Variants in AKT3 observed in about 807,000 individuals in gnomAD.
AKT3 encodes RAC-gamma serine/threonine-protein kinase.
AKT3 carries 15 observed loss-of-function variants against 65.3 expected under a neutral mutation model. That is an observed-to-expected ratio of 0.23 (90% CI 0.15 to 0.35). The LOEUF (loss-of-function observed/expected upper bound fraction) is 0.35. Among genes scored for constraint, AKT3 ranks in the 10% least tolerant of loss-of-function variants. The probability of loss-of-function intolerance (pLI) is 1.00; values close to 1 mark genes in which losing one functional copy is unlikely to be tolerated. For synonymous variants in AKT3, 206 were observed against 183.8 expected, an observed-to-expected ratio of 1.12 and a Z score of -0.98; for missense variants, 243 against 576.5, an observed-to-expected ratio of 0.42 and a Z score of 5.92.
At position 243,811,155 on chromosome 1, in the gene AKT3, T is replaced by C. The variant is rs184711008; in HGVS notation, c.46+31970A>G. 4.5e-4 allele frequency among the ~76,000 whole-genome samples: 68 copies of C among 152,308 alleles called. 1 individual carries two copies. Among genetic ancestry groups the C allele is most frequent in the Middle Eastern group, 3.4e-3 (1 of 294 alleles). ...CTCTCACCACTCCTATTCAACATAG[T>C]GTTGGAAGTTCTAGCCGGGGCAATC... On this transcript the variant is annotated intron_variant, in intron 2 of 13. Coordinates refer to ENST00000673466, the MANE Select transcript of AKT3 (RefSeq NM_005465.7).
intron 2 of AKT3, among the ~76,000 whole-genome samples, chr1:243,802,425 T>C (rs555634671): frequency 4.6e-5 from 7 of 152,318 alleles, no homozygotes; most frequent in African/African-American, 1.7e-4. Flanking sequence ...ATATTGGAGC[T>C]AGAAGAGACT....
intron 2 of AKT3, among the ~76,000 whole-genome samples, chr1:243,836,699 T>A (rs537153781): frequency 7.9e-4 from 120 of 151,860 alleles, no homozygotes; most frequent in Non-Finnish European, 1.3e-3. Context: ...TCACCTGAGG[T>A]CAGGAATTCA....
intron 9 of AKT3, among the ~76,000 whole-genome samples, chr1:243,570,647 A>G (rs1451334128): frequency 5.9e-5 from 9 of 152,232 alleles, no homozygotes; most frequent in Non-Finnish European, 1.2e-4. Flanking sequence ...AGACCAGCTC[A>G]AAATTTCTGT....
chr1:243,489,071 C>T (rs1460577420), intron 13 of AKT3: 2 of 1,613,404 alleles, frequency 1.2e-6, no homozygotes, highest in South Asian at 2.2e-5. Context: ...TGCAGCTCCT[C>T]AGCAAGCAGA....
chr1:243,596,539 T>TC (rs1307709079), intron 8 of AKT3, among the ~76,000 whole-genome samples: 1 of 152,102 alleles, frequency 6.6e-6, no homozygotes, highest in East Asian at 1.9e-4. Flanking sequence ...AGTAACATAC[T>TC]CCCACACACT....
At chr1:243,581,188 A>C (rs968354075) in intron 8 of AKT3, among the ~76,000 whole-genome samples, 2 of 152,200 alleles carry the variant, frequency 1.3e-5, no homozygotes, top group African/African-American at 4.8e-5. Flanking sequence ...TGTGTCTGTC[A>C]TCAGGGGACC....
chr1:243,501,635 A>G lies in AKT3; in HGVS notation c.*3614T>C, dbSNP rs1669311963. 3 of 231,654 alleles carry G rather than the reference A, an allele frequency of 1.3e-5. No individual in the cohort carries two copies. Among genetic ancestry groups the G allele is most frequent in the Non-Finnish European group, 1.7e-5 (2 of 117,320 alleles). The allele number at this position is 231,654 out of a possible 1,614,324, so 14.3% of individuals were successfully genotyped here. A position where few individuals can be genotyped will look rare whatever the true frequency, so the allele number is the denominator to read the frequency against. On this transcript the variant is annotated 3_prime_UTR_variant, in exon 14 of 14. Coordinates refer to ENST00000673466, the MANE Select transcript of AKT3 (RefSeq NM_005465.7). ...GTGAGCTACAAGGAATTATTTCTAT[A>G]TTTTCCTGTCACATTTTATACAAGG...
chr1:243,643,102 G>A (rs780667140), intron 5 of AKT3, among the ~76,000 whole-genome samples: 5 of 152,064 alleles, frequency 3.3e-5, no homozygotes, highest in South Asian at 2.1e-4. Context: ...TGGTTACGTC[G>A]CTTCTCCCTT....
chr1:243,604,580 C>T (rs541697190), intron 8 of AKT3, among the ~76,000 whole-genome samples: 3 of 152,282 alleles, frequency 2.0e-5, no homozygotes, highest in East Asian at 3.9e-4. Flanking sequence ...TATAGTTATT[C>T]TTACGTCTTA....
intron 2 of AKT3, among the ~76,000 whole-genome samples, chr1:243,713,093 T>C (rs1296957146): frequency 6.6e-6 from 1 of 152,212 alleles, no homozygotes; most frequent in Admixed American, 6.5e-5. Flanking sequence ...TGGTAGGCTA[T>C]GAAACAAATC....
At chr1:243,518,882 A>C (rs1670532800) in intron 12 of AKT3, among the ~76,000 whole-genome samples, 1 of 152,220 alleles carries the variant, frequency 6.6e-6, no homozygotes, top group Non-Finnish European at 1.5e-5. Flanking sequence ...GAAGGATAAG[A>C]CATCAGTTTG....
At chr1:243,656,113 T>TG (rs930966768) in intron 4 of AKT3, among the ~76,000 whole-genome samples, 4 of 40,716 alleles carry the variant, frequency 9.8e-5, no homozygotes, top group East Asian at 2.0e-3. Flanking sequence ...CGGGGGGGTG[T>TG]GGGGGGGTAA....
intron 6 of AKT3, among the ~76,000 whole-genome samples, chr1:243,621,575 T>C (rs1010217686): frequency 2.0e-5 from 3 of 152,212 alleles, no homozygotes; most frequent in Non-Finnish European, 2.9e-5. Context: ...CTTCCAAATT[T>C]ATACCTCAAA....
intron 2 of AKT3, among the ~76,000 whole-genome samples, chr1:243,766,150 G>T (rs1472005077): frequency 1.3e-5 from 2 of 152,062 alleles, no homozygotes; most frequent in East Asian, 1.9e-4. Context: ...TAGAAAATCA[G>T]TCTGGTAGCA....
intron 2 of AKT3, among the ~76,000 whole-genome samples, chr1:243,834,823 T>G (rs561944599): frequency 5.9e-5 from 9 of 152,238 alleles, no homozygotes; most frequent in African/African-American, 2.2e-4. Flanking sequence ...ATTTTTTAAC[T>G]GAAAATAGGT....
At chr1:243,723,881 T>C (rs1232629748) in intron 2 of AKT3, among the ~76,000 whole-genome samples, 1 of 152,098 alleles carries the variant, frequency 6.6e-6, no homozygotes, top group Non-Finnish European at 1.5e-5. Context: ...AATGCACCAG[T>C]GCACTCCAGC....
Position 243,843,238 on chromosome 1 carries a change from T to G in AKT3, c.-68A>C. ...TGTGATATCAGCTTTAGGGTTTGGA[T>G]TCTCTGCTGCTGCTGCCCTTCCCAC... On this transcript the variant is annotated 5_prime_UTR_variant, in exon 2 of 14. Coordinates refer to ENST00000673466, the MANE Select transcript of AKT3 (RefSeq NM_005465.7). The G allele has an allele frequency of 6.4e-7, 1 of 1,570,356 alleles. No individual in the cohort carries two copies.
chr1:243,812,218 C>T (rs1464294842), intron 2 of AKT3, among the ~76,000 whole-genome samples: 2 of 152,104 alleles, frequency 1.3e-5, no homozygotes, highest in South Asian at 4.1e-4. Flanking sequence ...AAGAAACTAC[C>T]ATCAGAGTGA....
At chr1:243,792,317 A>G (rs2148339870) in intron 2 of AKT3, among the ~76,000 whole-genome samples, 1 of 152,152 alleles carries the variant, frequency 6.6e-6, no homozygotes. Context: ...TAACTCAAAA[A>G]TATGTCTCCA....
Sources: gnomAD v4.1 joint callset for allele counts (sites outside exome capture counted in the v4.1 genomes callset) on GRCh38, gnomAD v4.1.1 for gene constraint, MANE v1.5 for transcripts, NCBI Gene and HGNC (gene_info 2026-07-23, HGNC 2026-07-21) for gene names.